The following SOX5 variants were observed in gnomAD, a reference collection of about 807,000 sequenced individuals.
SOX5 encodes transcription factor SOX-5.
SOX5 carries 9 observed loss-of-function variants against 92.0 expected under a neutral mutation model. The ratio of observed to expected loss-of-function variants is 0.10; its 90% CI spans 0.06 to 0.17. The LOEUF (loss-of-function observed/expected upper bound fraction) is 0.17, where lower values mean the gene tolerates loss of function less well. SOX5 is among the 10% of genes least tolerant of loss of function. The pLI, the probability that SOX5 is intolerant of heterozygous loss-of-function variation, is 1.00. For synonymous variants in SOX5, 344 were observed against 336.3 expected, an observed-to-expected ratio of 1.02 and a Z score of -0.25; for missense variants, 642 against 944.5, an observed-to-expected ratio of 0.68 and a Z score of 4.20.
At chr12:24,285,240 G>A (rs1806676612) in intron 2 of SOX5, among the ~76,000 whole-genome samples, 1 of 152,088 alleles carries the variant, frequency 6.6e-6, no homozygotes, top group African/African-American at 2.4e-5. Flanking sequence ...TCTGTTGGTA[G>A]AACTACCATT....
intron 2 of SOX5, among the ~76,000 whole-genome samples, chr12:23,881,231 C>T (rs2096985737): frequency 6.6e-6 from 1 of 152,162 alleles, no homozygotes; most frequent in Admixed American, 6.5e-5. Context: ...CGGGGACATG[C>T]TCAAGTCGAT....
intron 1 of SOX5, among the ~76,000 whole-genome samples, chr12:24,401,356 GA>G (rs1425838279): frequency 1.4e-5 from 2 of 144,262 alleles, no homozygotes; most frequent in African/African-American, 2.6e-5. Flanking sequence ...CATCTCAGGG[GA>G]AAAAAAAAAA....
chr12:24,341,408 G>A (rs1952561106), intron 2 of SOX5, among the ~76,000 whole-genome samples: 1 of 152,190 alleles, frequency 6.6e-6, no homozygotes, highest in Admixed American at 6.5e-5. Flanking sequence ...AGCCTGGGAG[G>A]TGGAGGCCGC....
intron 9 of SOX5, among the ~76,000 whole-genome samples, chr12:23,601,989 C>T (rs1201935717): frequency 6.6e-6 from 1 of 152,072 alleles, no homozygotes; most frequent in African/African-American, 2.4e-5. Flanking sequence ...TTAGTTAAAC[C>T]TTTGTGTATT....
chr12:24,260,639 TATG>T lies in SOX5; in HGVS notation c.-77+16574_-77+16576del, dbSNP rs1941955196. ...ATATCTTTTTCTTATTTAAAGTACT[TATG>T]ATGAAGAGAAGTCATCTATCATAAT... On this transcript the variant is annotated intron_variant, in intron 3 of 4. Coordinates refer to the SOX5 transcript ENST00000446891. Among the ~76,000 whole-genome samples, 8 of 152,298 alleles carry T rather than the reference TATG, an allele frequency of 5.3e-5. No homozygotes were observed. In the South Asian group the frequency reaches 1.7e-3, roughly 32 times the overall value.
At chr12:24,401,501 G>A (rs538499603) in intron 1 of SOX5, among the ~76,000 whole-genome samples, 6 of 151,906 alleles carry the variant, frequency 3.9e-5, no homozygotes, top group Non-Finnish European at 8.8e-5. Context: ...CTCGAGGCCA[G>A]GAGTTTGAAA....
rs1044543839 is a variant in SOX5 at position 23,648,314 on chromosome 12, A to G, written c.932-7417T>C. On this transcript the variant is annotated intron_variant, in intron 7 of 14. Coordinates refer to ENST00000451604, the MANE Select transcript of SOX5 (RefSeq NM_006940.6). ...ATGCAATCTGCGTGAAACACACTAA[A>G]GCAAAACACAGTAAAATGAGGTATT... 2.0e-5 allele frequency among the ~76,000 whole-genome samples: 3 copies of G among 152,216 alleles called. No individual in the cohort carries two copies. The East Asian group carries it at 5.8e-4, about 29-fold the overall frequency.
At chr12:23,694,852 C>T (rs1244852462) in intron 6 of SOX5, among the ~76,000 whole-genome samples, 1 of 152,198 alleles carries the variant, frequency 6.6e-6, no homozygotes, top group Admixed American at 6.5e-5. Context: ...GGCACAGTGG[C>T]TCATGCCTGT....
intron 4 of SOX5, among the ~76,000 whole-genome samples, chr12:23,970,786 G>A (rs1252020682): frequency 4.2e-5 from 5 of 118,908 alleles, no homozygotes; most frequent in Non-Finnish European, 8.5e-5. Flanking sequence ...ATTCTTTTGG[G>A]TATATAACTA....
At chr12:23,826,203 T>A (rs2096231121) in intron 3 of SOX5, among the ~76,000 whole-genome samples, 1 of 127,174 alleles carries the variant, frequency 7.9e-6, no homozygotes, top group Non-Finnish European at 1.6e-5. Flanking sequence ...GGCCCCGGTG[T>A]GTGATGTTCC....
chr12:23,875,302 T>A (rs902430231), intron 2 of SOX5, among the ~76,000 whole-genome samples: 4 of 152,096 alleles, frequency 2.6e-5, no homozygotes, highest in Non-Finnish European at 5.9e-5. Context: ...AATTCAAAGA[T>A]TAAAGAGAAA....
intron 2 of SOX5, among the ~76,000 whole-genome samples, chr12:23,852,779 C>A (rs2096646640): frequency 6.6e-6 from 1 of 152,028 alleles, no homozygotes; most frequent in African/African-American, 2.4e-5. Flanking sequence ...ATTGGCATCA[C>A]CGGGGAACAC....
intron 1 of SOX5, among the ~76,000 whole-genome samples, chr12:24,479,012 T>C (rs1463849110): frequency 6.6e-6 from 1 of 152,162 alleles, no homozygotes; most frequent in Non-Finnish European, 1.5e-5. Flanking sequence ...TTTCTCACTA[T>C]TTTCCCCATT....
At chr12:24,084,505 T>C (rs1448735320) in intron 4 of SOX5, among the ~76,000 whole-genome samples, 2 of 152,102 alleles carry the variant, frequency 1.3e-5, no homozygotes, top group Admixed American at 1.3e-4. Flanking sequence ...CCCTTATGTG[T>C]GATATTCTTT....
At chr12:24,502,771 A>T (rs979782512) in intron 1 of SOX5, among the ~76,000 whole-genome samples, 4 of 152,188 alleles carry the variant, frequency 2.6e-5, no homozygotes, top group Non-Finnish European at 5.9e-5. Context: ...GCCTTAATCA[A>T]ATGATCAAGA....
intron 4 of SOX5, among the ~76,000 whole-genome samples, chr12:24,030,021 C>A (rs1026510256): frequency 6.6e-6 from 1 of 151,882 alleles, no homozygotes; most frequent in Non-Finnish European, 1.5e-5. Context: ...GTTGTTTTCA[C>A]CTTCGTTTTA....
chr12:23,805,346 T>C (rs972194344), intron 3 of SOX5, among the ~76,000 whole-genome samples: 2 of 151,816 alleles, frequency 1.3e-5, no homozygotes, highest in Non-Finnish European at 2.9e-5. Flanking sequence ...ATATGAATAA[T>C]AAATAAATAG....
At chr12:24,145,270 G>T (rs139398751) in intron 4 of SOX5, among the ~76,000 whole-genome samples, 1 of 152,042 alleles carries the variant, frequency 6.6e-6, no homozygotes, top group African/African-American at 2.4e-5. Flanking sequence ...TAAGAGGCAA[G>T]TAATAAGCAA....
At chr12:24,293,994 T>C (rs1400334880) in intron 2 of SOX5, among the ~76,000 whole-genome samples, 1 of 152,174 alleles carries the variant, frequency 6.6e-6, no homozygotes, top group East Asian at 1.9e-4. Context: ...AAAGCACCAT[T>C]TATAACATTA....
Sources: allele counts gnomAD v4.1 joint callset (sites outside exome capture counted in the v4.1 genomes callset), GRCh38; gene constraint gnomAD v4.1.1; transcripts MANE v1.5; gene names NCBI Gene and HGNC (gene_info 2026-07-23, HGNC 2026-07-21).